MYOM2: variants seen among roughly 807,000 people sequenced by gnomAD.
MYOM2 encodes the protein myomesin-2.
MYOM2 carries 254 observed loss-of-function variants against 187.6 expected under a neutral mutation model. The ratio of observed to expected loss-of-function variants is 1.35; its 90% CI spans 1.22 to 1.50. MYOM2 has a LOEUF of 1.50. Among genes scored for constraint, MYOM2 ranks in the 40% most tolerant of loss-of-function variants. The probability of loss-of-function intolerance (pLI) is 0.00; values close to 1 mark genes in which losing one functional copy is unlikely to be tolerated. For missense variants in MYOM2, 2,796 were observed against 1,924.0 expected, an observed-to-expected ratio of 1.45 and a Z score of -8.48; for synonymous variants, 981 against 753.8, an observed-to-expected ratio of 1.30 and a Z score of -4.94.
Position 2,096,330 on chromosome 8 carries a change from A to G in MYOM2, c.2209A>G (p.Ser737Gly), listed in dbSNP as rs745932192. ...CCTCGGCTGGAAGGTCCCGAAATTC[A>G]GTGGTGGCTCGCCCATCCTGGGCTA... ...MTLGWKVPKFSGGSPILGYYL... is the reference protein window; with the variant it reads ...MTLGWKVPKFGGGSPILGYYL... Residue 737 changes from serine (S) to glycine (G), a missense_variant, in exon 18 of 37, where the codon AGT (serine) becomes GGT (glycine). By Grantham distance (56) the Ser-to-Gly change is moderately conservative (BLOSUM62 0). Transcript: ENST00000262113. The G allele has an allele frequency of 1.9e-6, 3 of 1,614,090 alleles. No homozygotes were observed. In the African/African-American group the frequency reaches 4.0e-5, roughly 22 times the overall value.
rs551160356 is a variant in MYOM2, at chr8:2,092,393, A to T, written c.1876A>T (p.Thr626Ser). 8 of 1,614,066 alleles carry T rather than the reference A, an allele frequency of 5.0e-6. No homozygotes were observed. In the East Asian group the frequency reaches 1.3e-4, roughly 27 times the overall value. ...GGTTCTTGCTTCCCGAAACACCAAG[A>T]CGTCGGTGGTGGTGCAGTGGGACCG... ...GRVLASRNTK[T>S]SVVVQWDRPK... The change falls in exon 16 of 37, where the codon ACG becomes TCG. Residue 626 changes from threonine to serine, a missense_variant. Thr to Ser is a moderately conservative substitution (Grantham distance 58, BLOSUM62 1). Coordinates refer to ENST00000262113, the MANE Select transcript of MYOM2 (RefSeq NM_003970.4).
intron 1 of MYOM2, among the ~76,000 whole-genome samples, 191 bp downstream of exon 1, chr8:2,045,359 G>A (rs1459691896): frequency 1.3e-5 from 2 of 152,172 alleles, no homozygotes; most frequent in African/African-American, 4.8e-5. Flanking sequence ...CTTTGACGAG[G>A]TTTTATGCTC....
intron 2 of MYOM2, among the ~76,000 whole-genome samples, chr8:2,051,427 G>T (rs1430825333): frequency 6.6e-6 from 1 of 152,186 alleles, no homozygotes; most frequent in African/African-American, 2.4e-5. Context: ...CACTGTTTGT[G>T]TAGCAGCAAA....
At chr8:2,087,606 A>G (rs1215670650) in intron 14 of MYOM2, among the ~76,000 whole-genome samples, 2 of 152,078 alleles carry the variant, frequency 1.3e-5, no homozygotes, top group African/African-American at 2.4e-5. Context: ...CAAGTTTGCA[A>G]ACACTTTTTT....
chr8:2,143,873 T>C (rs1437240624), intron 36 of MYOM2, among the ~76,000 whole-genome samples: 1 of 152,164 alleles, frequency 6.6e-6, no homozygotes, highest in African/African-American at 2.4e-5. Flanking sequence ...GCACAGCTTT[T>C]ACAACACGAA....
chr8:2,143,764 C>T (rs1247114034), intron 36 of MYOM2, among the ~76,000 whole-genome samples: 2 of 152,190 alleles, frequency 1.3e-5, no homozygotes, highest in African/African-American at 4.8e-5. Context: ...CCCCTGTGGC[C>T]ATTCACCCAG....
Position 2,050,610 on chromosome 8 carries a change from C to T in MYOM2, c.-12-145C>T, listed in dbSNP as rs34380789. 5.2e-4 allele frequency: 280 copies of T among 533,544 alleles called. 1 individual carries two copies. The highest frequency in any genetic ancestry group is 4.6e-3 in the African/African-American group (244 of 53,150). The allele number at this position is 533,544 out of a possible 1,614,324, so 33.1% of individuals were successfully genotyped here. On this transcript the variant is annotated intron_variant, in intron 1 of 36. Coordinates refer to ENST00000262113, the MANE Select transcript of MYOM2 (RefSeq NM_003970.4). Reference sequence around the variant, plus strand: ...CCTGACTGCTGGTCTAAGGTGATTTCTGGCCATGTAATCTTTCATTTTTTC... The same window carrying T: ...CCTGACTGCTGGTCTAAGGTGATTTTTGGCCATGTAATCTTTCATTTTTTC...
Position 2,116,055 on chromosome 8 carries a change from T to A in MYOM2, c.3276T>A (p.Ile1092=). The change falls in exon 26 of 37, where the codon ATT becomes ATA. Residue 1092 remains isoleucine, a synonymous_variant. Coordinates refer to ENST00000262113, the MANE Select transcript of MYOM2 (RefSeq NM_003970.4). ...ATGAGGGGACCTACACTGTGCAGAT[T>A]CATGATGGGAAAGCCAAAAGTCAGT... ...IENEGTYTVQ[I]HDGKAKSQSS... The A allele has an allele frequency of 6.2e-7, 1 of 1,613,946 alleles. No individual in the cohort carries two copies. Among genetic ancestry groups the A allele is most frequent in the Non-Finnish European group, 8.5e-7 (1 of 1,179,992 alleles).
At chr8:2,087,049 C>G (rs1356788472) in intron 14 of MYOM2, among the ~76,000 whole-genome samples, 1 of 152,138 alleles carries the variant, frequency 6.6e-6, no homozygotes, top group East Asian at 1.9e-4. Flanking sequence ...ATAATCTCAC[C>G]CAGCACACAT....
chr8:2,070,177 G>C (rs962620611), intron 8 of MYOM2, among the ~76,000 whole-genome samples: 1 of 152,234 alleles, frequency 6.6e-6, no homozygotes, highest in African/African-American at 2.4e-5. Flanking sequence ...ATGCCCTTTC[G>C]AGGCAGCTTG....
intron 23 of MYOM2, 81 bp from the exon 24 acceptor site, chr8:2,108,705 C>A (rs947687963): frequency 6.6e-6 from 9 of 1,360,170 alleles, no homozygotes; most frequent in African/African-American, 1.4e-5. Context: ...TCCAATCTTG[C>A]TCGTGTGTCG....
rs760329657 is a variant in MYOM2 at position 2,050,778 on chromosome 8, G to C, written c.12G>C (p.Val4=). 13 of 1,612,326 alleles carry C rather than the reference G, an allele frequency of 8.1e-6. No individual in the cohort carries two copies. Among genetic ancestry groups the C allele is most frequent in the Non-Finnish European group, 1.1e-5 (13 of 1,178,478 alleles). Residue 4 remains valine (V), a synonymous_variant, in exon 2 of 37, where the codon GTG becomes GTC. Coordinates refer to ENST00000262113, the MANE Select transcript of MYOM2 (RefSeq NM_003970.4). The stretch of plus-strand genomic sequence containing the variant: ...AGGAGCACGCCAAGATGTCCCTTGT[G>C]ACTGTCCCCTTCTACCAGAAGAGAC... The part of the protein sequence containing the change: MSL[V]TVPFYQKRHR...
At chr8:2,083,085 C>G (rs1300077645) in intron 13 of MYOM2, among the ~76,000 whole-genome samples, 1 of 151,952 alleles carries the variant, frequency 6.6e-6, no homozygotes, top group Non-Finnish European at 1.5e-5. Flanking sequence ...TGAACAGAAC[C>G]CAAAATAAGA....
chr8:2,110,138 C>A (rs1046790555), intron 25 of MYOM2, among the ~76,000 whole-genome samples: 1 of 152,168 alleles, frequency 6.6e-6, no homozygotes, highest in Non-Finnish European at 1.5e-5. Context: ...GCCTGGGCAA[C>A]ATAAGGAGAT....
At chr8:2,046,240 G>T (rs1343514755) in intron 1 of MYOM2, among the ~76,000 whole-genome samples, 1 of 152,220 alleles carries the variant, frequency 6.6e-6, no homozygotes, top group Non-Finnish European at 1.5e-5. Context: ...ACCCATCCTG[G>T]TGACATGAGG....
At chr8:2,114,448 G>T (rs906356235) in intron 25 of MYOM2, among the ~76,000 whole-genome samples, 1 of 151,970 alleles carries the variant, frequency 6.6e-6, no homozygotes, top group Non-Finnish European at 1.5e-5. Context: ...TGGTTTGGTT[G>T]TATGCATTAT....
intron 21 of MYOM2, 76 bp from the exon 22 acceptor site, chr8:2,106,166 A>G (rs1563059415): frequency 6.7e-7 from 1 of 1,484,612 alleles, no homozygotes; most frequent in South Asian, 1.2e-5. Context: ...GAGCCAAACC[A>G]TATCACCCTC....
chr8:2,111,018 G>C (rs1402273784), intron 25 of MYOM2, among the ~76,000 whole-genome samples: 1 of 152,216 alleles, frequency 6.6e-6, no homozygotes, highest in Non-Finnish European at 1.5e-5. Context: ...GAGACTTACT[G>C]TCTGATCCAG....
At chr8:2,144,581 G>A (rs1798389392) in intron 36 of MYOM2, 83 bp from the exon 37 acceptor site, 1 of 1,364,842 alleles carries the variant, frequency 7.3e-7, no homozygotes. Context: ...AACTGAGTGT[G>A]ACCTGGAGCC....
Sources: gnomAD v4.1 joint callset for allele counts (sites outside exome capture counted in the v4.1 genomes callset) on GRCh38, gnomAD v4.1.1 for gene constraint, MANE v1.5 for transcripts, NCBI Gene and HGNC (gene_info 2026-07-23, HGNC 2026-07-21) for gene names.